DBX2: variants seen among roughly 807,000 people sequenced by gnomAD.
DBX2 encodes the protein homeobox protein DBX2.
A neutral mutation model predicts 17.7 loss-of-function variants in DBX2; 16 were observed. The observed-to-expected ratio is 0.90, with a 90% confidence interval of 0.61 to 1.37. The LOEUF is 1.37. Among genes scored for constraint, DBX2 ranks in the 40% most tolerant of loss-of-function variants. The pLI is 0.00. For missense variants in DBX2, 538 were observed against 433.8 expected (o/e 1.24, Z -2.13); for synonymous variants, 255 against 183.8 (o/e 1.39, Z -3.13).
chr12:45,050,083 G>C (rs564896103), intron 1 of DBX2, among the ~76,000 whole-genome samples: 11 of 152,134 alleles, frequency 7.2e-5, no homozygotes, highest in Non-Finnish European at 1.3e-4. Context: ...ATCTCCCCAA[G>C]TTGGGCCGCG....
chr12:45,036,759 C>T (rs1473727979), intron 1 of DBX2, among the ~76,000 whole-genome samples: 1 of 152,162 alleles, frequency 6.6e-6, no homozygotes, highest in East Asian at 1.9e-4. Context: ...AGTAAATTTA[C>T]TGAGCAATTC....
At chr12:45,024,306 A>T (rs374060564) in intron 2 of DBX2, among the ~76,000 whole-genome samples, 1 of 152,200 alleles carries the variant, frequency 6.6e-6, no homozygotes, top group African/African-American at 2.4e-5. Context: ...AAGGCCTCCC[A>T]GCCATGCTGA....
In DBX2 at chr12:45,031,225, T is replaced by TGTGTGTGTGTGTGAGAGAGA. The variant is rs1377897653; in HGVS notation, c.499+4793_499+4794insTCTCTCTCACACACACACAC. Among the ~76,000 whole-genome samples the TGTGTGTGTGTGTGAGAGAGA allele has an allele frequency of 5.7e-4, 49 of 85,644 alleles. No individual in the cohort carries two copies. In the East Asian group the frequency reaches 0.018, roughly 32 times the overall value. The allele number at this position is 85,644 out of a possible 152,430, so 56.2% of individuals were successfully genotyped here. On this transcript the variant is annotated intron_variant, in intron 2 of 3. Transcript: ENST00000332700. ...GTGTGTGTGTGTGTGTGTGTGTGTG[T>TGTGTGTGTGTGTGAGAGAGA]GAGAGAGAGAGAGAGAGAGAGAGAG...
chr12:45,047,821 G>A (rs921992327), intron 1 of DBX2, among the ~76,000 whole-genome samples: 1 of 152,112 alleles, frequency 6.6e-6, no homozygotes, highest in Non-Finnish European at 1.5e-5. Flanking sequence ...GTTCATATAT[G>A]ATTAAAGTGC....
At chr12:45,050,308 G>GGTGGA (rs1270010363) in intron 1 of DBX2, among the ~76,000 whole-genome samples, 4 of 152,206 alleles carry the variant, frequency 2.6e-5, no homozygotes, top group Non-Finnish European at 5.9e-5. Flanking sequence ...GGTGGAATGG[G>GGTGGA]ATGGGATGGG....
At position 45,016,215 on chromosome 12, in the gene DBX2, G is replaced by A; in HGVS notation, c.*71C>T. On this transcript the variant is annotated 3_prime_UTR_variant, in exon 4 of 4. Transcript: ENST00000332700. ...GGCTCTAAGCACTGATGAGGTACAA[G>A]CTAGCTGGCATTAGAGTCCAGATGT... 1.4e-6 allele frequency: 2 copies of A among 1,469,766 alleles called. No individual in the cohort carries two copies. Among genetic ancestry groups the A allele is most frequent in the Admixed American group, 2.4e-5 (1 of 41,676 alleles). 91.0% of individuals were successfully genotyped at this position (1,469,766 alleles called of 1,614,324 possible). A position where few individuals can be genotyped will look rare whatever the true frequency, so the allele number is the denominator to read the frequency against.
At chr12:45,024,127 G>A (rs1254221598) in intron 2 of DBX2, among the ~76,000 whole-genome samples, 1 of 152,050 alleles carries the variant, frequency 6.6e-6, no homozygotes, top group Non-Finnish European at 1.5e-5. Flanking sequence ...AATCATGGGG[G>A]TGGTTCCCCC....
intron 1 of DBX2, among the ~76,000 whole-genome samples, chr12:45,050,024 G>T (rs1220813139): frequency 2.6e-5 from 4 of 152,092 alleles, no homozygotes; most frequent in African/African-American, 9.7e-5. Flanking sequence ...AAAGATCTTT[G>T]CGCGCGTTCC....
chr12:45,021,124 T>C (rs1411034569), intron 3 of DBX2, among the ~76,000 whole-genome samples: 1 of 152,210 alleles, frequency 6.6e-6, no homozygotes, highest in Non-Finnish European at 1.5e-5. Flanking sequence ...TATTTACAAA[T>C]TGTAATTGTA....
At chr12:45,040,294 T>C (rs1946464495) in intron 1 of DBX2, among the ~76,000 whole-genome samples, 1 of 152,146 alleles carries the variant, frequency 6.6e-6, no homozygotes, top group African/African-American at 2.4e-5. Context: ...GGACTCGAAC[T>C]GGCTCTCCTT....
intron 2 of DBX2, among the ~76,000 whole-genome samples, chr12:45,031,700 C>A (rs560079430): frequency 6.6e-6 from 1 of 152,124 alleles, no homozygotes. Flanking sequence ...CAGAACTGAA[C>A]GGGTGCAGGC....
chr12:45,020,393 A>G (rs1320070478), intron 3 of DBX2, among the ~76,000 whole-genome samples: 2 of 152,102 alleles, frequency 1.3e-5, no homozygotes, highest in Non-Finnish European at 2.9e-5. Flanking sequence ...TTATGGGCAA[A>G]TAATATTCCA....
chr12:45,031,566 T>C (rs1946411289), intron 2 of DBX2, among the ~76,000 whole-genome samples: 1 of 152,176 alleles, frequency 6.6e-6, no homozygotes, highest in Non-Finnish European at 1.5e-5. Context: ...GACAAAAATA[T>C]TCAATTTTTT....
At chr12:45,049,846 C>G (rs1946519540) in intron 1 of DBX2, among the ~76,000 whole-genome samples, 1 of 152,160 alleles carries the variant, frequency 6.6e-6, no homozygotes, top group Admixed American at 6.5e-5. Context: ...ACCCAAACTG[C>G]CCTTCTTTCG....
chr12:45,050,941 C>T lies in DBX2; in HGVS notation c.-14G>A, dbSNP rs1442830882. ...GCTGGGGAGCATAGTGCGGCGCCAA[C>T]CGGTCTGCTGCGCGCCCGCCTTGCG... On this transcript the variant is annotated 5_prime_UTR_variant, in exon 1 of 4. Transcript: ENST00000332700. 6.9e-7 allele frequency: 1 copy of T among 1,440,188 alleles called. No homozygotes were observed. The highest frequency in any genetic ancestry group is 9.1e-7 in the Non-Finnish European group (1 of 1,094,670). The allele number at this position is 1,440,188 out of a possible 1,614,324, so 89.2% of individuals were successfully genotyped here.
intron 1 of DBX2, among the ~76,000 whole-genome samples, chr12:45,045,632 C>T (rs1242725270): frequency 6.6e-6 from 1 of 152,186 alleles, no homozygotes; most frequent in Admixed American, 6.5e-5. Context: ...GGAGTCTAAG[C>T]ACAGCTTAGG....
rs1946321366 is a variant in DBX2, at chr12:45,016,065, G to T, written c.*221C>A. 1 of 433,196 alleles carries T rather than the reference G, an allele frequency of 2.3e-6. No homozygotes were observed. The highest frequency in any genetic ancestry group is 4.0e-6 in the Non-Finnish European group (1 of 250,346). The allele number at this position is 433,196 out of a possible 1,614,324, so 26.8% of individuals were successfully genotyped here. ...CCAGCTGTTGCTCTCCTTCTTTTCA[G>T]TTCTGTCATACTTGCTGGGAGATTC... On this transcript the variant is annotated 3_prime_UTR_variant, in exon 4 of 4. Coordinates refer to ENST00000332700, the MANE Select transcript of DBX2 (RefSeq NM_001004329.3).
chr12:45,023,958 G>A (rs1946366995), intron 2 of DBX2, 64 bp from the exon 3 acceptor site: 1 of 1,439,796 alleles, frequency 6.9e-7, no homozygotes, highest in Admixed American at 2.7e-5. Flanking sequence ...GTCTTTCCTA[G>A]GACAATATGG....
chr12:45,044,928 A>T (rs1343643817), intron 1 of DBX2, among the ~76,000 whole-genome samples: 1 of 152,182 alleles, frequency 6.6e-6, no homozygotes, highest in African/African-American at 2.4e-5. Flanking sequence ...AAAGAGAGAG[A>T]TTTCATTAAA....
Sources: allele counts gnomAD v4.1 joint callset (sites outside exome capture counted in the v4.1 genomes callset), GRCh38; gene constraint gnomAD v4.1.1; transcripts MANE v1.5; gene names NCBI Gene and HGNC (gene_info 2026-07-23, HGNC 2026-07-21).